Variants in DOCK4 observed in about 807,000 individuals in gnomAD.
DOCK4 encodes the protein dedicator of cytokinesis protein 4.
Under a neutral mutation model 268.1 loss-of-function variants are expected in DOCK4, and 97 were observed. The observed-to-expected ratio is 0.36, with a 90% CI of 0.31 to 0.43. DOCK4 has a LOEUF of 0.43. DOCK4 is among the 20% of genes least tolerant of loss of function. DOCK4 has a pLI of 1.00. For synonymous variants in DOCK4, 954 were observed against 887.2 expected, an observed-to-expected ratio of 1.08 and a Z score of -1.34; for missense variants, 2,145 against 2,455.7, an observed-to-expected ratio of 0.87 and a Z score of 2.67.
At chr7:112,096,029 C>T (rs259298) in intron 1 of DOCK4, among the ~76,000 whole-genome samples, 2,798 of 152,166 alleles carry the variant, frequency 0.018, 38 homozygotes, top group Middle Eastern at 0.037. Context: ...GCAGAGGCTG[C>T]GGTGTGCTGA....
chr7:111,864,899 T>C (rs189504804), intron 22 of DOCK4, among the ~76,000 whole-genome samples: 1 of 152,204 alleles, frequency 6.6e-6, no homozygotes, highest in African/African-American at 2.4e-5. Context: ...TATTTCTTTA[T>C]TTATATGTCT....
chr7:112,048,570 C>CA (rs145384674), intron 1 of DOCK4, among the ~76,000 whole-genome samples: 14,284 of 144,014 alleles, frequency 0.099, 1,102 homozygotes, highest in East Asian at 0.39. Context: ...CTCAAAAAAA[C>CA]AAAAAAAAAC....
At chr7:111,765,324 T>A in intron 38 of DOCK4, 102 bp from the exon 39 acceptor site, 1 of 736,494 alleles carries the variant, frequency 1.4e-6, no homozygotes, top group Non-Finnish European at 2.2e-6. Flanking sequence ...AACTTTATTT[T>A]AATTGAGTTT....
intron 3 of DOCK4, 129 bp from the exon 4 acceptor site, chr7:111,998,632 A>G: frequency 3.9e-6 from 2 of 519,422 alleles, no homozygotes; most frequent in Non-Finnish European, 6.6e-6. Context: ...CATCTCTACC[A>G]CATTCTCTTG....
At chr7:111,805,292 G>A (rs367572371) in intron 30 of DOCK4, among the ~76,000 whole-genome samples, 1 of 152,170 alleles carries the variant, frequency 6.6e-6, no homozygotes, top group African/African-American at 2.4e-5. Flanking sequence ...TGAGGCGACA[G>A]CAGAAGAGAA....
chr7:111,974,759 C>T (rs552455207), intron 8 of DOCK4, among the ~76,000 whole-genome samples: 47 of 151,770 alleles, frequency 3.1e-4, no homozygotes, highest in African/African-American at 9.7e-4. Context: ...TTTGGCAGAC[C>T]CTGTACCCGG....
intron 24 of DOCK4, among the ~76,000 whole-genome samples, 195 bp downstream of exon 24, chr7:111,846,804 A>G (rs1804145100): frequency 6.6e-6 from 1 of 152,186 alleles, no homozygotes; most frequent in South Asian, 2.1e-4. Flanking sequence ...TGGGGAACCC[A>G]GGTTATTTGG....
chr7:111,934,955 T>C (rs1287600003), intron 12 of DOCK4, among the ~76,000 whole-genome samples: 1 of 152,092 alleles, frequency 6.6e-6, no homozygotes, highest in East Asian at 1.9e-4. Context: ...TTGCTTTTTT[T>C]TTTTTCTTTG....
intron 1 of DOCK4, among the ~76,000 whole-genome samples, chr7:112,008,479 A>T (rs1034185820): frequency 2.0e-5 from 3 of 152,240 alleles, no homozygotes; most frequent in African/African-American, 4.8e-5. Context: ...TTAAGAATTA[A>T]ATAGCCGTGA....
intron 1 of DOCK4, among the ~76,000 whole-genome samples, chr7:112,187,608 G>A (rs1278339445): frequency 2.6e-5 from 4 of 152,312 alleles, no homozygotes; most frequent in Non-Finnish European, 5.9e-5. Context: ...AGAGAAGAGT[G>A]TGCTTTTGCG....
intron 16 of DOCK4, among the ~76,000 whole-genome samples, chr7:111,892,701 A>G (rs77764132): frequency 1.6e-4 from 24 of 152,356 alleles, no homozygotes; most frequent in Non-Finnish European, 2.8e-4. Context: ...AAGGCCGCAC[A>G]ATGATCAGCA....
At chr7:111,808,593 T>C (rs1800845674) in intron 30 of DOCK4, 1 of 455,348 alleles carries the variant, frequency 2.2e-6, no homozygotes, top group South Asian at 5.3e-5. Context: ...TTATCGTTAA[T>C]TAATAATGAA....
At chr7:111,940,033 A>G (rs1049178140) in intron 11 of DOCK4, 77 bp downstream of exon 11, 7 of 1,463,124 alleles carry the variant, frequency 4.8e-6, no homozygotes, top group South Asian at 3.5e-5. Context: ...CTACCCACCT[A>G]AAGTAGCATT....
At chr7:111,909,396 C>G (rs1481033075) in intron 13 of DOCK4, among the ~76,000 whole-genome samples, 1 of 152,172 alleles carries the variant, frequency 6.6e-6, no homozygotes, top group African/African-American at 2.4e-5. Flanking sequence ...TCTTCTAACT[C>G]CAGTCTGTAA....
intron 1 of DOCK4, among the ~76,000 whole-genome samples, chr7:112,053,950 G>A (rs908027201): frequency 2.0e-5 from 3 of 152,102 alleles, no homozygotes; most frequent in South Asian, 4.1e-4. Context: ...TGAGCTTCTC[G>A]AACTCCCACT....
In DOCK4 at chr7:111,767,072, T is replaced by C. The variant is rs1797805226; in HGVS notation, c.3875A>G (p.Tyr1292Cys). The part of the protein sequence containing the change: ...IILCRKIAEQ[Y>C]ESYYDYRNLS... ...GTTTCTGTAGTCATAATAACTCTCA[T>C]ACTGCTCTGCAATCTTCCGGCACAA... is the stretch of plus-strand genomic sequence containing the variant. The change falls in exon 38 of 53, where the codon TAT becomes TGT. Residue 1292 changes from tyrosine (Y) to cysteine (C), a missense_variant. By Grantham distance (194) the Tyr-to-Cys change is radical. Coordinates refer to ENST00000428084, the MANE Select transcript of DOCK4 (RefSeq NM_001363540.2). 3 of 1,613,722 alleles carry C rather than the reference T, an allele frequency of 1.9e-6. No homozygotes were observed. The highest frequency in any genetic ancestry group is 1.3e-5 in the African/African-American group (1 of 74,902).
chr7:112,078,996 AT>A, intron 1 of DOCK4, among the ~76,000 whole-genome samples: 1 of 152,198 alleles, frequency 6.6e-6, no homozygotes, highest in Non-Finnish European at 1.5e-5. Context: ...GTATGGTGGC[AT>A]GCGCCTGTAA....
At chr7:112,089,135 A>G (rs555477319) in intron 1 of DOCK4, among the ~76,000 whole-genome samples, 58 of 152,206 alleles carry the variant, frequency 3.8e-4, no homozygotes, top group Non-Finnish European at 6.9e-4. Flanking sequence ...TTTACTTGTT[A>G]AAGTTCTTTT....
At chr7:111,952,191 GA>G (rs1796110220) in intron 8 of DOCK4, among the ~76,000 whole-genome samples, 1 of 152,030 alleles carries the variant, frequency 6.6e-6, no homozygotes. Context: ...TGTGTTTATG[GA>G]AATTACACCT....
Sources: gnomAD v4.1 joint callset for allele counts (sites outside exome capture counted in the v4.1 genomes callset) on GRCh38, gnomAD v4.1.1 for gene constraint, MANE v1.5 for transcripts, NCBI Gene and HGNC (gene_info 2026-07-23, HGNC 2026-07-21) for gene names.